The following MIER1 variants were observed in gnomAD, a reference collection of about 807,000 sequenced individuals.
The protein encoded by MIER1 is MIER1 transcriptional regulator.
Under a neutral mutation model 75.7 loss-of-function variants are expected in MIER1, and 40 were observed. The ratio of observed to expected loss-of-function variants is 0.53; its 90% CI spans 0.41 to 0.69. The LOEUF is 0.69. Ranked by LOEUF, MIER1 falls within the 30% of genes least tolerant of loss-of-function variation. MIER1 has a pLI of 0.00. For missense variants in MIER1, 574 were observed against 680.2 expected, an observed-to-expected ratio of 0.84 and a Z score of 1.74; for synonymous variants, 213 against 223.4, an observed-to-expected ratio of 0.95 and a Z score of 0.42.
intron 13 of MIER1, among the ~76,000 whole-genome samples, chr1:66,983,952 C>G (rs1666398649): frequency 6.6e-6 from 1 of 152,174 alleles, no homozygotes; most frequent in Non-Finnish European, 1.5e-5. Context: ...TCTTGAACTC[C>G]TGACCTCATG....
At chr1:66,957,588 T>G (rs1373908904) in intron 4 of MIER1, among the ~76,000 whole-genome samples, 16 of 92,474 alleles carry the variant, frequency 1.7e-4, no homozygotes, top group South Asian at 7.5e-4. Context: ...TTTGTTTGTG[T>G]TTTTTTTTTT....
At chr1:66,937,986 C>T (rs1425924416) in intron 2 of MIER1, among the ~76,000 whole-genome samples, 1 of 152,090 alleles carries the variant, frequency 6.6e-6, no homozygotes, top group African/African-American at 2.4e-5. Context: ...CTAGATATGC[C>T]TTTAAATCAG....
At chr1:66,963,768 C>T (rs1345186962) in intron 8 of MIER1, among the ~76,000 whole-genome samples, 3 of 151,972 alleles carry the variant, frequency 2.0e-5, no homozygotes, top group South Asian at 2.1e-4. Flanking sequence ...ATTAGCCTGG[C>T]GTCGTGGCGC....
At chr1:66,925,735 C>T (rs1252302176) in intron 1 of MIER1, among the ~76,000 whole-genome samples, 4 of 152,194 alleles carry the variant, frequency 2.6e-5, no homozygotes, top group Non-Finnish European at 5.9e-5. Flanking sequence ...TCTGTGGTCC[C>T]TGCATGCTGT....
chr1:66,944,173 C>G (rs1253794740), intron 3 of MIER1, among the ~76,000 whole-genome samples: 1 of 151,790 alleles, frequency 6.6e-6, no homozygotes, highest in African/African-American at 2.4e-5. Context: ...TTGGGCATTC[C>G]CTTATTCATA....
intron 2 of MIER1, among the ~76,000 whole-genome samples, chr1:66,936,146 C>T (rs1360422150): frequency 6.6e-6 from 1 of 152,096 alleles, no homozygotes. Flanking sequence ...AATTTTAAAT[C>T]ATCTTTCCTA....
chr1:66,930,178 C>G, intron 2 of MIER1: 2 of 1,308,432 alleles, frequency 1.5e-6, no homozygotes, highest in Non-Finnish European at 2.0e-6. Context: ...CTGGTCTTTT[C>G]CCTCCAGTCC....
intron 3 of MIER1, among the ~76,000 whole-genome samples, chr1:66,944,270 C>G (rs1454481824): frequency 1.3e-5 from 2 of 151,898 alleles, no homozygotes; most frequent in African/African-American, 4.8e-5. Context: ...ATAGGTACAT[C>G]TATTAATGTC....
At chr1:66,962,787 C>G (rs1661517868) in intron 7 of MIER1, among the ~76,000 whole-genome samples, 1 of 152,132 alleles carries the variant, frequency 6.6e-6, no homozygotes, top group South Asian at 2.1e-4. Flanking sequence ...TTGTGTTTTA[C>G]ATGTTTTGCA....
chr1:66,953,802 C>T (rs1049534145), intron 4 of MIER1, among the ~76,000 whole-genome samples: 1 of 151,918 alleles, frequency 6.6e-6, no homozygotes. Context: ...TGGGGTTCCA[C>T]CATGTTGGCC....
At chr1:66,972,229 A>G (rs1663768884) in intron 10 of MIER1, among the ~76,000 whole-genome samples, 1 of 119,312 alleles carries the variant, frequency 8.4e-6, no homozygotes, top group Non-Finnish European at 1.7e-5. Flanking sequence ...ATATATATAT[A>G]CACTACATAT....
chr1:66,931,068 C>T (rs1156245643), intron 2 of MIER1, among the ~76,000 whole-genome samples: 4 of 151,602 alleles, frequency 2.6e-5, no homozygotes, highest in Non-Finnish European at 1.5e-5. Context: ...TCCCCCCACC[C>T]CCTTTCCAAA....
rs766587646 is a variant in MIER1 at position 66,972,873 on chromosome 1, A to T, written c.1007-24A>T. 4 of 1,231,910 alleles carry T rather than the reference A, an allele frequency of 3.2e-6. No individual in the cohort carries two copies. In the Admixed American group the frequency reaches 5.6e-5, roughly 17 times the overall value. The allele number at this position is 1,231,910 out of a possible 1,614,324, so 76.3% of individuals were successfully genotyped here. A position where few individuals can be genotyped will look rare whatever the true frequency, so the allele number is the denominator to read the frequency against. ...AATAATTGGGGGAATATTGCTTAAC[A>T]GTTTGTTCCTCCCATCTTGTCAGAG... On this transcript the variant is annotated intron_variant, in intron 10 of 13. Coordinates refer to ENST00000401041, the MANE Select transcript of MIER1 (RefSeq NM_001077700.3).
At chr1:66,982,894 C>T (rs1666183717) in intron 13 of MIER1, among the ~76,000 whole-genome samples, 1 of 152,210 alleles carries the variant, frequency 6.6e-6, no homozygotes, top group African/African-American at 2.4e-5. Context: ...TAATGTTTGT[C>T]ACGTCCATTC....
At chr1:66,946,494 C>G in intron 4 of MIER1, 199 bp downstream of exon 4, 1 of 1,282,096 alleles carries the variant, frequency 7.8e-7, no homozygotes, top group Middle Eastern at 3.0e-4. Flanking sequence ...TGTGCAATAA[C>G]AGAATTCACA....
In MIER1 at chr1:66,985,119, T is replaced by C. The variant is rs1666611181; in HGVS notation, c.*219T>C. 7.5e-6 allele frequency: 9 copies of C among 1,194,770 alleles called. No individual in the cohort carries two copies. Among genetic ancestry groups the C allele is most frequent in the African/African-American group, 3.2e-5 (2 of 63,092 alleles). 74.0% of individuals were successfully genotyped at this position (1,194,770 alleles called of 1,614,324 possible). ...AAGGGTATTTTAAAAATTAGTAAAT[T>C]TGAATGAACTAAAGATATATCTCTA... On this transcript the variant is annotated 3_prime_UTR_variant, in exon 14 of 14. Coordinates refer to ENST00000401041, the MANE Select transcript of MIER1 (RefSeq NM_001077700.3).
intron 2 of MIER1, among the ~76,000 whole-genome samples, chr1:66,930,755 G>GAA (rs1433899295): frequency 6.6e-6 from 1 of 152,132 alleles, no homozygotes; most frequent in Non-Finnish European, 1.5e-5. Flanking sequence ...TTCCTCTTGC[G>GAA]AAGTTTTTTC....
In MIER1 at chr1:66,963,706, G is replaced by A. The variant is rs531068108; in HGVS notation, c.772+546G>A. 2.0e-5 allele frequency among the ~76,000 whole-genome samples: 3 copies of A among 152,126 alleles called. No individual in the cohort carries two copies. In the East Asian group the frequency reaches 5.8e-4, roughly 30 times the overall value. ...AGGCGGATCATGAGGTCAGGAGTTC[G>A]AGACCAGCCTGACCAACATGGTGAA... On this transcript the variant is annotated intron_variant, in intron 8 of 13. Transcript: ENST00000401041.
chr1:66,946,949 G>T (rs1462559253), intron 4 of MIER1: 4 of 985,236 alleles, frequency 4.1e-6, no homozygotes, highest in Non-Finnish European at 4.8e-6. Context: ...GTTACTCAAG[G>T]TTTACATGTT....
Sources: gnomAD v4.1 joint callset for allele counts (sites outside exome capture counted in the v4.1 genomes callset) on GRCh38, gnomAD v4.1.1 for gene constraint, MANE v1.5 for transcripts, NCBI Gene and HGNC (gene_info 2026-07-23, HGNC 2026-07-21) for gene names.